The following FNDC3A variants were observed in gnomAD, a reference collection of about 807,000 sequenced individuals.
FNDC3A encodes fibronectin type III domain containing 3A, also known as fibronectin type-III domain-containing protein 3A.
In FNDC3A, 32 loss-of-function variants were observed where a neutral mutation model predicts 148.9. The ratio of observed to expected loss-of-function variants is 0.21; its 90% CI spans 0.16 to 0.29. FNDC3A has a LOEUF of 0.29. FNDC3A is among the 10% of genes least tolerant of loss of function. The pLI is 1.00. For missense variants in FNDC3A, 1,191 were observed against 1,452.8 expected, an observed-to-expected ratio of 0.82 and a Z score of 2.93; for synonymous variants, 472 against 473.6, an observed-to-expected ratio of 1.00 and a Z score of 0.04.
intron 2 of FNDC3A, among the ~76,000 whole-genome samples, chr13:49,053,038 C>T (rs954817067): frequency 2.6e-5 from 4 of 152,118 alleles, no homozygotes; most frequent in Non-Finnish European, 5.9e-5. Flanking sequence ...TGCTCCCACT[C>T]GGCCGCAGTC....
intron 2 of FNDC3A, among the ~76,000 whole-genome samples, chr13:49,011,666 A>G (rs1421148434): frequency 1.3e-5 from 2 of 152,092 alleles, no homozygotes; most frequent in Non-Finnish European, 2.9e-5. Context: ...GTGTGGTAGT[A>G]TATGCCTATA....
Position 49,201,846 on chromosome 13 carries a change from A to C in FNDC3A, c.3034A>C (p.Arg1012=). ...ACCATGTCATACATACAAAGTACAAAGACTTAATGAGTCAACATCCTATAA... is the reference window on the plus strand; with the variant it reads ...ACCATGTCATACATACAAAGTACAACGACTTAATGAGTCAACATCCTATAA... ...RGPCHTYKVQ[R]LNESTSYKFC... The change falls in exon 24 of 26, where the codon AGA becomes CGA. Residue 1012 remains arginine (R), a synonymous_variant. Coordinates refer to ENST00000492622, the MANE Select transcript of FNDC3A (RefSeq NM_001079673.2). 6.3e-7 allele frequency: 1 copy of C among 1,585,194 alleles called. No homozygotes were observed. The highest frequency in any genetic ancestry group is 1.7e-4 in the Middle Eastern group (1 of 5,972).
intron 13 of FNDC3A, 56 bp downstream of exon 13, chr13:49,175,597 G>T: frequency 8.0e-7 from 1 of 1,254,816 alleles, no homozygotes. Context: ...AGCTTAAGGA[G>T]ATTTTGGGCT....
intron 7 of FNDC3A, among the ~76,000 whole-genome samples, chr13:49,144,025 A>ACTACTG (rs1555297005): frequency 1.1e-4 from 16 of 149,526 alleles, no homozygotes; most frequent in African/African-American, 3.0e-4. Flanking sequence ...TACTACTACT[A>ACTACTG]CTACTACTAA....
chr13:49,018,296 C>G (rs565664963), intron 2 of FNDC3A, among the ~76,000 whole-genome samples: 10 of 152,110 alleles, frequency 6.6e-5, no homozygotes, highest in Non-Finnish European at 1.3e-4. Context: ...AGGCTTTATT[C>G]GTTTCTTTTT....
intron 5 of FNDC3A, among the ~76,000 whole-genome samples, chr13:49,132,734 G>A (rs946911563): frequency 7.9e-5 from 12 of 152,024 alleles, no homozygotes; most frequent in African/African-American, 2.2e-4. Context: ...TTCTTGCCTC[G>A]GTCCCTGTGT....
At chr13:49,118,179 TCCACAGAGGGCAAGC>T (rs896550259) in intron 4 of FNDC3A, among the ~76,000 whole-genome samples, 3 of 152,144 alleles carry the variant, frequency 2.0e-5, no homozygotes, top group African/African-American at 7.2e-5. Flanking sequence ...ACTTGATTCT[TCCACAGAGGGCAAGC>T]CCACAGAGGG....
chr13:49,064,527 A>C (rs1291846521), intron 2 of FNDC3A, among the ~76,000 whole-genome samples: 1 of 151,800 alleles, frequency 6.6e-6, no homozygotes, highest in Non-Finnish European at 1.5e-5. Context: ...GAGATCACTG[A>C]GAGTATTCTC....
chr13:49,209,776 C>T lies in FNDC3A; in HGVS notation c.*2381C>T, dbSNP rs1886810224. ...TAAAGAATAAAATTAGAAGTTTTAT[C>T]CTAGTGACTTGATTTTGTGCAACTC... On this transcript the variant is annotated 3_prime_UTR_variant, in exon 26 of 26. Coordinates refer to ENST00000492622, the MANE Select transcript of FNDC3A (RefSeq NM_001079673.2). 1 of 152,124 alleles carries T rather than the reference C, an allele frequency of 6.6e-6. No individual in the cohort carries two copies. Among genetic ancestry groups the T allele is most frequent in the African/African-American group, 2.4e-5 (1 of 41,420 alleles). 9.4% of individuals were successfully genotyped at this position (152,124 alleles called of 1,614,324 possible). A position where few individuals can be genotyped will look rare whatever the true frequency, so the allele number is the denominator to read the frequency against.
chr13:49,173,479 G>C (rs367936615), intron 11 of FNDC3A, among the ~76,000 whole-genome samples: 1 of 152,108 alleles, frequency 6.6e-6, no homozygotes, highest in East Asian at 1.9e-4. Flanking sequence ...AGTTATTTTT[G>C]TACCATCACT....
At chr13:49,164,832 A>T (rs1884367760) in intron 8 of FNDC3A, among the ~76,000 whole-genome samples, 1 of 152,096 alleles carries the variant, frequency 6.6e-6, no homozygotes, top group South Asian at 2.1e-4. Flanking sequence ...GCTGGTCTTG[A>T]ACTCCTGAGG....
intron 2 of FNDC3A, among the ~76,000 whole-genome samples, chr13:49,039,703 G>GTTTTTGT (rs777871856): frequency 2.6e-5 from 4 of 151,788 alleles, no homozygotes; most frequent in Admixed American, 6.6e-5. Flanking sequence ...TACTTTTTCT[G>GTTTTTGT]TTTTTGTTTT....
At chr13:49,159,548 A>T (rs539805479) in intron 8 of FNDC3A, among the ~76,000 whole-genome samples, 18 of 152,314 alleles carry the variant, frequency 1.2e-4, no homozygotes, top group African/African-American at 3.8e-4. Context: ...TAAATATACA[A>T]TCATGTCATC....
intron 10 of FNDC3A, 128 bp downstream of exon 10, chr13:49,168,879 C>G (rs1207969542): frequency 1.2e-6 from 1 of 811,454 alleles, no homozygotes; most frequent in Non-Finnish European, 2.0e-6. Context: ...ATATAAGACA[C>G]AAATGCCTAT....
At chr13:49,189,289 TCTC>T (rs1885754005) in intron 17 of FNDC3A, among the ~76,000 whole-genome samples, 1 of 151,882 alleles carries the variant, frequency 6.6e-6, no homozygotes, top group Non-Finnish European at 1.5e-5. Flanking sequence ...GTTCAAGAAT[TCTC>T]CTGCTTCAGC....
At chr13:49,190,166 G>A (rs751946648) in intron 17 of FNDC3A, among the ~76,000 whole-genome samples, 4 of 152,102 alleles carry the variant, frequency 2.6e-5, no homozygotes, top group Non-Finnish European at 5.9e-5. Context: ...GATTACAGGT[G>A]TGAGCCACCG....
At chr13:49,159,831 T>G (rs990089337) in intron 8 of FNDC3A, among the ~76,000 whole-genome samples, 1 of 152,256 alleles carries the variant, frequency 6.6e-6, no homozygotes, top group Non-Finnish European at 1.5e-5. Context: ...CATGAAGGGC[T>G]GTTGAATTTT....
At chr13:49,076,375 G>T (rs1311505355) in intron 3 of FNDC3A, among the ~76,000 whole-genome samples, 1 of 151,976 alleles carries the variant, frequency 6.6e-6, no homozygotes, top group Non-Finnish European at 1.5e-5. Flanking sequence ...CTCCCAAGTG[G>T]CTGGGATTAC....
At chr13:49,158,292 G>C (rs545679857) in intron 8 of FNDC3A, among the ~76,000 whole-genome samples, 2 of 152,314 alleles carry the variant, frequency 1.3e-5, no homozygotes, top group African/African-American at 4.8e-5. Context: ...TTCCAGGTGC[G>C]TCTGTCACCC....
Sources: allele counts gnomAD v4.1 joint callset (sites outside exome capture counted in the v4.1 genomes callset), GRCh38; gene constraint gnomAD v4.1.1; transcripts MANE v1.5; gene names NCBI Gene and HGNC (gene_info 2026-07-23, HGNC 2026-07-21).